Variants in PRDM16 observed in about 807,000 individuals in gnomAD.
The protein encoded by PRDM16 is PR/SET domain 16.
Under a neutral mutation model 110.6 loss-of-function variants are expected in PRDM16, and 23 were observed. That is an observed-to-expected ratio of 0.21 (90% confidence interval 0.15 to 0.29). The LOEUF (loss-of-function observed/expected upper bound fraction) is 0.29. Among genes scored for constraint, PRDM16 ranks in the 10% least tolerant of loss-of-function variants. PRDM16 has a pLI of 1.00. For missense variants in PRDM16, 1,615 were observed against 1,794.3 expected, an observed-to-expected ratio of 0.90 and a Z score of 1.81; for synonymous variants, 799 against 781.8, an observed-to-expected ratio of 1.02 and a Z score of -0.37.
chr1:3,114,410 GCA>G (rs574770311), intron 1 of PRDM16, among the ~76,000 whole-genome samples: 18 of 113,200 alleles, frequency 1.6e-4, no homozygotes, highest in Middle Eastern at 6.3e-3. Flanking sequence ...GCACACACAC[GCA>G]CACACATGCA....
At chr1:3,180,716 C>CTT (rs879530395) in intron 1 of PRDM16, among the ~76,000 whole-genome samples, 10,263 of 151,988 alleles carry the variant, frequency 0.068, 479 homozygotes, top group East Asian at 0.2. Context: ...AGACGGGAGA[C>CTT]CCTTCCTCCT....
At chr1:3,179,425 C>T (rs1433309136) in intron 1 of PRDM16, among the ~76,000 whole-genome samples, 2 of 152,226 alleles carry the variant, frequency 1.3e-5, no homozygotes, top group Non-Finnish European at 2.9e-5. Context: ...CCCAGCTGTA[C>T]AGTGGGCAGC....
chr1:3,390,103 T>TC lies in PRDM16; in HGVS notation c.573+4817_573+4818insC, dbSNP rs1557648051. ...GACACAGACAGGGACAGTTCCTGAA[T>TC]TTGTTTTAACGTGAAGAAAGAAAAC... On this transcript the variant is annotated intron_variant, in intron 4 of 16. Transcript: ENST00000270722. The surrounding 1 kb of genome is among the most constrained non-coding windows in gnomAD (Gnocchi z 5.0). 6.6e-6 allele frequency among the ~76,000 whole-genome samples: 1 copy of TC among 152,160 alleles called. No homozygotes were observed. The highest frequency in any genetic ancestry group is 1.5e-5 in the Non-Finnish European group (1 of 68,034).
rs563020483 is a variant in PRDM16, at chr1:3,436,233, G to C, written c.*2422G>C. On this transcript the variant is annotated 3_prime_UTR_variant, in exon 17 of 17. Coordinates refer to ENST00000270722, the MANE Select transcript of PRDM16 (RefSeq NM_022114.4). ...TTTTGCAATATGACCCCGTCTCTCT[G>C]AAGTGGGACATTCGGACGGATGGAG... 1.4e-4 allele frequency: 32 copies of C among 227,958 alleles called. No individual in the cohort carries two copies. In the Middle Eastern group the frequency reaches 6.5e-3, roughly 46 times the overall value. 14.1% of individuals were successfully genotyped at this position (227,958 alleles called of 1,614,324 possible). A position where few individuals can be genotyped will look rare whatever the true frequency, so the allele number is the denominator to read the frequency against.
rs1642526495 is a variant in PRDM16, at chr1:3,353,084, G to A, written c.439-32068G>A. 6.6e-6 allele frequency among the ~76,000 whole-genome samples: 1 copy of A among 152,314 alleles called. No homozygotes were observed. Among genetic ancestry groups the A allele is most frequent in the South Asian group, 2.1e-4 (1 of 4,828 alleles). ...CTGGAGCCAGAAGTCAGGAAAGGGAGGCTGCAGCCGCACACCCGAAGAGCT... is the reference window on the plus strand; with the variant it reads ...CTGGAGCCAGAAGTCAGGAAAGGGAAGCTGCAGCCGCACACCCGAAGAGCT... On this transcript the variant is annotated intron_variant, in intron 3 of 16. Transcript: ENST00000270722. The surrounding 1 kb of genome is among the most constrained non-coding windows in gnomAD (Gnocchi z 5.4).
In PRDM16 at chr1:3,385,022, G is replaced by A. The variant is rs117381898; in HGVS notation, c.439-130G>A. The A allele has an allele frequency of 0.016, 18,608 of 1,131,062 alleles. 194 individuals are homozygous for A. Among genetic ancestry groups the A allele is most frequent in the South Asian group, 0.028 (1,968 of 71,224 alleles). 70.1% of individuals were successfully genotyped at this position (1,131,062 alleles called of 1,614,324 possible). On this transcript the variant is annotated intron_variant, in intron 3 of 16. Transcript: ENST00000270722. ...AGCCCCGCTGATGCCCGGAGGGTGG[G>A]CTGAGGTCTGGACGCCGACTTGCCT...
At chr1:3,082,169 G>A (rs1642044762) in intron 1 of PRDM16, among the ~76,000 whole-genome samples, 1 of 152,096 alleles carries the variant, frequency 6.6e-6, no homozygotes, top group African/African-American at 2.4e-5. Context: ...CTGGCCCGGG[G>A]GCCCTGGTGT....
intron 4 of PRDM16, among the ~76,000 whole-genome samples, chr1:3,387,534 A>G (rs551971648): frequency 6.7e-4 from 102 of 152,228 alleles, no homozygotes; most frequent in African/African-American, 2.4e-3. Flanking sequence ...TGCTCTTGAG[A>G]GCACCCCTCA....
chr1:3,424,976 C>T (rs2483236), intron 12 of PRDM16: 99,190 of 151,840 alleles, frequency 0.65, 34,753 homozygotes, highest in Non-Finnish European at 0.78. Context: ...CAGGAGACGC[C>T]GGAGGGTCGG....
chr1:3,356,402 C>T (rs757047158), intron 3 of PRDM16, among the ~76,000 whole-genome samples: 34 of 152,178 alleles, frequency 2.2e-4, no homozygotes, highest in African/African-American at 6.3e-4. Flanking sequence ...GGTCCGACGC[C>T]GTGTCCACAC....
chr1:3,082,841 G>A (rs1230160000), intron 1 of PRDM16, among the ~76,000 whole-genome samples: 2 of 152,222 alleles, frequency 1.3e-5, no homozygotes, highest in Admixed American at 6.5e-5. Context: ...TGGGGCCGGC[G>A]CCTGGGTGCT....
intron 4 of PRDM16, among the ~76,000 whole-genome samples, chr1:3,392,662 G>T (rs1339334352): frequency 6.6e-6 from 1 of 152,206 alleles, no homozygotes; most frequent in Non-Finnish European, 1.5e-5. Flanking sequence ...TAAGGAGAAG[G>T]TATCCCAAAG....
intron 3 of PRDM16, among the ~76,000 whole-genome samples, chr1:3,314,071 C>CG (rs747479644): frequency 0.09 from 9,033 of 100,320 alleles, 763 homozygotes; most frequent in Non-Finnish European, 0.12. Context: ...CCTTCCCCAC[C>CG]GGGGGGGGGG....
At chr1:3,391,783 G>A (rs928033139) in intron 4 of PRDM16, among the ~76,000 whole-genome samples, 7 of 152,230 alleles carry the variant, frequency 4.6e-5, no homozygotes, top group African/African-American at 1.7e-4. Context: ...TCCTCCAGCC[G>A]CTCAGCACGG....
rs1643698772 is a variant in PRDM16, at chr1:3,412,066, GGACCTGGACAGC to G, written c.1873_1884del (p.Leu625_Asp628del). 6.2e-7 allele frequency: 1 copy of G among 1,604,816 alleles called. No homozygotes were observed. Among genetic ancestry groups the G allele is most frequent in the African/African-American group, 1.3e-5 (1 of 74,692 alleles). On this transcript the variant is annotated inframe_deletion, in exon 9 of 17. Transcript: ENST00000270722. ...TGGACACGACCACGGGGACGGGCTCGGACCTGGACAGCGACGTGGACAGCGACCCTGACAAGG... is the reference window on the plus strand; with the variant it reads ...TGGACACGACCACGGGGACGGGCTCGGACGTGGACAGCGACCCTGACAAGG...
chr1:3,291,114 G>T (rs1172062058), intron 3 of PRDM16, among the ~76,000 whole-genome samples: 1 of 152,016 alleles, frequency 6.6e-6, no homozygotes, highest in African/African-American at 2.4e-5. Flanking sequence ...GCAGTTTCCT[G>T]ATGTGATACT....
intron 2 of PRDM16, among the ~76,000 whole-genome samples, chr1:3,203,067 T>C (rs2100831371): frequency 6.6e-6 from 1 of 152,276 alleles, no homozygotes; most frequent in Non-Finnish European, 1.5e-5. Flanking sequence ...CCCCGATGAA[T>C]TTGCTGTCAT....
chr1:3,254,166 C>A (rs914098024), intron 3 of PRDM16, among the ~76,000 whole-genome samples: 4 of 152,102 alleles, frequency 2.6e-5, no homozygotes. Context: ...TGCCTGTTCA[C>A]TCTGATGGTA....
At chr1:3,406,253 T>C (rs1350369306) in intron 8 of PRDM16, among the ~76,000 whole-genome samples, 1 of 151,730 alleles carries the variant, frequency 6.6e-6, no homozygotes, top group Non-Finnish European at 1.5e-5. Context: ...CGGTGTGGGG[T>C]TACAGCCTCA....
Sources: gnomAD v4.1 joint callset for allele counts (sites outside exome capture counted in the v4.1 genomes callset) on GRCh38, gnomAD v4.1.1 for gene constraint, Gnocchi (gnomAD v3.1) non-coding constraint, MANE v1.5 for transcripts, NCBI Gene and HGNC (gene_info 2026-07-23, HGNC 2026-07-21) for gene names.